ADH7: variants seen among roughly 807,000 people sequenced by gnomAD.
The protein encoded by ADH7 is alcohol dehydrogenase 7 (class IV), mu or sigma polypeptide, also known as all-trans-retinol dehydrogenase [NAD(+)] ADH7.
A neutral mutation model predicts 34.4 loss-of-function variants in ADH7; 41 were observed. The ratio of observed to expected loss-of-function variants is 1.19; its 90% CI spans 0.93 to 1.55. ADH7 has a LOEUF of 1.55. Among genes scored for constraint, ADH7 ranks in the 40% most tolerant of loss-of-function variants. The pLI is 0.00. For synonymous variants in ADH7, 180 were observed against 160.9 expected (o/e 1.12, Z -0.90); for missense variants, 540 against 461.2 (o/e 1.17, Z -1.56).
At chr4:99,427,702 T>A in intron 5 of ADH7, 71 bp downstream of exon 5, 1 of 1,184,386 alleles carries the variant, frequency 8.4e-7, no homozygotes, top group Non-Finnish European at 1.1e-6. Flanking sequence ...TCCAAAACTC[T>A]TCAAGATTCC....
chr4:99,417,079 C>A (rs1188048410), intron 7 of ADH7, among the ~76,000 whole-genome samples: 1 of 152,112 alleles, frequency 6.6e-6, no homozygotes, highest in African/African-American at 2.4e-5. Flanking sequence ...CCTTTCCTTC[C>A]AGCATTATAA....
intron 5 of ADH7, among the ~76,000 whole-genome samples, chr4:99,423,593 C>T (rs1721723593): frequency 1.3e-5 from 2 of 152,264 alleles, no homozygotes; most frequent in East Asian, 1.9e-4. Flanking sequence ...GATGGTATCT[C>T]ATTGTGGTTT....
At chr4:99,421,321 G>C (rs1579574661) in intron 5 of ADH7, among the ~76,000 whole-genome samples, 1 of 152,118 alleles carries the variant, frequency 6.6e-6, no homozygotes. Flanking sequence ...CAATGGAACA[G>C]AACAGAGGCC....
At chr4:99,423,789 G>A (rs1721729951) in intron 5 of ADH7, among the ~76,000 whole-genome samples, 1 of 152,162 alleles carries the variant, frequency 6.6e-6, no homozygotes, top group South Asian at 2.1e-4. Flanking sequence ...CCCTTTGTCA[G>A]ATGAGTAGGT....
intron 2 of ADH7, 143 bp downstream of exon 2, chr4:99,429,389 C>G (rs1225661454): frequency 8.7e-6 from 5 of 574,276 alleles, no homozygotes; most frequent in Non-Finnish European, 1.5e-5. Context: ...AGATCCTTAA[C>G]AATATATAAG....
chr4:99,421,745 C>T (rs1154461), intron 5 of ADH7, among the ~76,000 whole-genome samples: 3 of 151,898 alleles, frequency 2.0e-5, no homozygotes, highest in Non-Finnish European at 2.9e-5. Flanking sequence ...TTTTTGTGAT[C>T]TACTCATCTG....
At chr4:99,432,036 A>C (rs1465118043) in intron 1 of ADH7, among the ~76,000 whole-genome samples, 1 of 152,208 alleles carries the variant, frequency 6.6e-6, no homozygotes, top group Non-Finnish European at 1.5e-5. Flanking sequence ...CGGAAGCACT[A>C]TTCACAATAG....
chr4:99,416,916 G>A (rs898793907), intron 7 of ADH7, among the ~76,000 whole-genome samples: 1 of 152,042 alleles, frequency 6.6e-6, no homozygotes, highest in Non-Finnish European at 1.5e-5. Context: ...AAATGATGAT[G>A]GTGACATGAT....
At chr4:99,416,772 T>C (rs1399569405) in intron 7 of ADH7, among the ~76,000 whole-genome samples, 2 of 152,164 alleles carry the variant, frequency 1.3e-5, no homozygotes, top group Non-Finnish European at 2.9e-5. Context: ...GCCAATTGCC[T>C]ACATTTTATA....
In ADH7 at chr4:99,417,379, G is replaced by T. The variant is rs112735534; in HGVS notation, c.961+1607C>A. On this transcript the variant is annotated intron_variant, in intron 7 of 8. Transcript: ENST00000437033. ...TTCTTATGGTTCTTGCCAACACCCT[G>T]TTGTATTTACTACGTCTCCTTCCTG... is the stretch of plus-strand genomic sequence containing the variant. Among the ~76,000 whole-genome samples the T allele has an allele frequency of 5.1e-3, 779 of 152,178 alleles. 7 individuals carry two copies. The highest frequency in any genetic ancestry group is 0.018 in the African/African-American group (735 of 41,506).
chr4:99,433,259 A>G (rs933004158), intron 1 of ADH7, among the ~76,000 whole-genome samples: 2 of 152,210 alleles, frequency 1.3e-5, no homozygotes, highest in Non-Finnish European at 2.9e-5. Flanking sequence ...GATGAAATAA[A>G]TTGTGCTAAA....
intron 1 of ADH7, among the ~76,000 whole-genome samples, chr4:99,433,022 T>A (rs1721971675): frequency 6.6e-6 from 1 of 152,118 alleles, no homozygotes; most frequent in South Asian, 2.1e-4. Flanking sequence ...ATACACAGTA[T>A]TGTCAGATAA....
chr4:99,434,100 C>A (rs1721996428), intron 1 of ADH7, among the ~76,000 whole-genome samples: 1 of 152,130 alleles, frequency 6.6e-6, no homozygotes, highest in Non-Finnish European at 1.5e-5. Context: ...TTGGAAAGTG[C>A]TGCCTTGAGG....
At chr4:99,427,505 G>A (rs984168591) in intron 5 of ADH7, among the ~76,000 whole-genome samples, 16 of 152,004 alleles carry the variant, frequency 1.1e-4, no homozygotes, top group African/African-American at 3.1e-4. Context: ...TAACATATGG[G>A]GAAGGGGTAT....
intron 1 of ADH7, chr4:99,430,410 CAG>C (rs150990479): frequency 1.3e-5 from 2 of 151,884 alleles, no homozygotes; most frequent in Non-Finnish European, 2.9e-5. Flanking sequence ...TGAATTATGA[CAG>C]AGAGAGAGAG....
intron 7 of ADH7, among the ~76,000 whole-genome samples, chr4:99,417,935 T>C (rs1449339798): frequency 6.6e-6 from 1 of 152,200 alleles, no homozygotes; most frequent in Admixed American, 6.5e-5. Context: ...AACTAGCCTC[T>C]TGCTTTTTTA....
chr4:99,428,074 G>T lies in ADH7; in HGVS notation c.347+13C>A. On this transcript the variant is annotated intron_variant, in intron 4 of 8. Coordinates refer to ENST00000437033, the MANE Select transcript of ADH7 (RefSeq NM_000673.7). ...AATGTAAATACATTAAAGTAAAAAT[G>T]ACTGAAACCTACTCGCTCCTAATGC... The T allele has an allele frequency of 6.2e-7, 1 of 1,613,612 alleles. No individual in the cohort carries two copies. The highest frequency in any genetic ancestry group is 1.1e-5 in the South Asian group (1 of 91,024).
chr4:99,416,496 A>G (rs1318095027), intron 7 of ADH7, among the ~76,000 whole-genome samples: 3 of 152,082 alleles, frequency 2.0e-5, no homozygotes, highest in Admixed American at 1.3e-4. Context: ...CTGTTCCCTT[A>G]GCTTCTAGAT....
At chr4:99,413,493 G>A (rs185147868) in intron 8 of ADH7, among the ~76,000 whole-genome samples, 1 of 152,304 alleles carries the variant, frequency 6.6e-6, no homozygotes, top group Admixed American at 6.5e-5. Flanking sequence ...ATTTCTGGGT[G>A]CCCAAGAGAT....
Sources: allele counts gnomAD v4.1 joint callset (sites outside exome capture counted in the v4.1 genomes callset), GRCh38; gene constraint gnomAD v4.1.1; transcripts MANE v1.5; gene names NCBI Gene and HGNC (gene_info 2026-07-23, HGNC 2026-07-21).